TTLL8: variants seen among roughly 807,000 people sequenced by gnomAD.
The protein encoded by TTLL8 is tubulin tyrosine ligase like 8.
Under a neutral mutation model 77.8 loss-of-function variants are expected in TTLL8, and 65 were observed. That is an observed-to-expected ratio of 0.84 (90% CI 0.68 to 1.03). TTLL8 has a LOEUF of 1.03. Ranked by LOEUF, TTLL8 falls within the 50% of genes least tolerant of loss-of-function variation. The pLI, the probability that TTLL8 is intolerant of heterozygous loss-of-function variation, is 0.00. For synonymous variants in TTLL8, 402 were observed against 422.8 expected, an observed-to-expected ratio of 0.95 and a Z score of 0.60; for missense variants, 910 against 1,004.5, an observed-to-expected ratio of 0.91 and a Z score of 1.27.
intron 12 of TTLL8, among the ~76,000 whole-genome samples, chr22:50,023,785 C>T (rs1292205315): frequency 6.6e-6 from 1 of 152,096 alleles, no homozygotes; most frequent in African/African-American, 2.4e-5. Context: ...CTTTGGGAGG[C>T]CGAGGTGGGC....
intron 4 of TTLL8, among the ~76,000 whole-genome samples, chr22:50,046,607 T>C (rs1228374664): frequency 6.6e-6 from 1 of 152,200 alleles, no homozygotes; most frequent in Non-Finnish European, 1.5e-5. Flanking sequence ...AAGGGAACCT[T>C]GTCCTGCACC....
intron 8 of TTLL8, among the ~76,000 whole-genome samples, chr22:50,040,970 T>C (rs1323829393): frequency 1.3e-5 from 2 of 151,836 alleles, no homozygotes; most frequent in African/African-American, 4.8e-5. Flanking sequence ...ACCCCTGGAG[T>C]GGCAAATGGT....
upstream of TTLL8, among the ~76,000 whole-genome samples, chr22:50,056,543 G>T (rs75976112): frequency 0.014 from 2,113 of 152,310 alleles, 28 homozygotes; most frequent in South Asian, 0.038. This position sits in a 1 kb window ranked among gnomAD's most constrained non-coding sequence, Gnocchi z 4.1. Context: ...AGTCTGAAGA[G>T]GGCAAGGGCA....
chr22:50,031,754 C>G, exon 11 of TTLL8: 1 of 1,362,920 alleles, frequency 7.3e-7, no homozygotes, highest in East Asian at 4.6e-5. Flanking sequence ...ATGGTGTCCT[C>G]CTGCACCTGT....
At chr22:50,054,784 G>A (rs1383047107), upstream of TTLL8, among the ~76,000 whole-genome samples, 2 of 152,224 alleles carry the variant, frequency 1.3e-5, no homozygotes, top group Non-Finnish European at 2.9e-5. Context: ...CAGGCTAGGC[G>A]CAGTCACTCA....
intron 8 of TTLL8, among the ~76,000 whole-genome samples, chr22:50,036,300 G>A (rs556995782): frequency 1.1e-4 from 16 of 152,236 alleles, no homozygotes; most frequent in Non-Finnish European, 1.6e-4. Flanking sequence ...AGGGACTTGC[G>A]GGGATCCGAT....
In TTLL8 at chr22:50,041,129, C is replaced by T. The variant is rs1387863863; in HGVS notation, c.921+58G>A. On this transcript the variant is annotated intron_variant, in intron 8 of 13. Transcript: ENST00000266182. This position sits in a 1 kb window ranked among gnomAD's most constrained non-coding sequence, Gnocchi z 4.3. ...TGGGCCCAGGCACACCTCTGCCAGT[C>T]ACTCACCAACACCAAGAGTGAGGCA... is the stretch of plus-strand genomic sequence containing the variant. The T allele has an allele frequency of 8.1e-6, 3 of 371,940 alleles. No individual in the cohort carries two copies. Among genetic ancestry groups the T allele is most frequent in the Non-Finnish European group, 1.6e-5 (3 of 186,756 alleles). 23.0% of individuals were successfully genotyped at this position (371,940 alleles called of 1,614,324 possible).
exon 11 of TTLL8, chr22:50,031,972 A>T (rs1263482309): frequency 1.5e-6 from 2 of 1,366,684 alleles, no homozygotes; most frequent in Admixed American, 3.8e-5. Flanking sequence ...GCTGCCCCAC[A>T]CGGCGCCACG....
At chr22:50,047,098 C>T (rs2061417020) in intron 4 of TTLL8, 70 bp downstream of exon 6, 2 of 1,339,608 alleles carry the variant, frequency 1.5e-6, no homozygotes, top group Admixed American at 4.1e-5. Context: ...CCGAGGGTCC[C>T]TAATGGCTGC....
At chr22:50,046,207 G>T (rs1372966662) in intron 4 of TTLL8, among the ~76,000 whole-genome samples, 3 of 152,212 alleles carry the variant, frequency 2.0e-5, no homozygotes, top group Non-Finnish European at 2.9e-5. Context: ...CCTTGAGGCA[G>T]TGGAGGGCGT....
chr22:50,031,255 G>A (rs541310718), intron 11 of TTLL8, among the ~76,000 whole-genome samples: 2 of 152,332 alleles, frequency 1.3e-5, no homozygotes, highest in East Asian at 3.9e-4. Context: ...CACATCCGCA[G>A]GCACAGGGAG....
chr22:50,056,270 G>A (rs531010196), upstream of TTLL8, among the ~76,000 whole-genome samples: 8 of 152,222 alleles, frequency 5.3e-5, no homozygotes, highest in South Asian at 2.1e-4. The surrounding 1 kb of genome is among the most constrained non-coding windows in gnomAD (Gnocchi z 4.1). Flanking sequence ...CGCACTCCGA[G>A]AAGGAAGAGC....
At chr22:50,032,979 G>T (rs886477548) in intron 10 of TTLL8, among the ~76,000 whole-genome samples, 1 of 152,244 alleles carries the variant, frequency 6.6e-6, no homozygotes, top group African/African-American at 2.4e-5. Flanking sequence ...GATGCACAGA[G>T]CGTGGGGTGT....
intron 1 of TTLL8, among the ~76,000 whole-genome samples, chr22:50,052,043 G>A (rs892147187): frequency 5.9e-5 from 9 of 151,846 alleles, no homozygotes; most frequent in African/African-American, 1.9e-4. Flanking sequence ...ACATCCGGTC[G>A]GTCCCAGCAC....
At chr22:50,046,122 T>A (rs1351989655) in intron 4 of TTLL8, among the ~76,000 whole-genome samples, 152 bp from the exon 7 acceptor site, 4 of 152,006 alleles carry the variant, frequency 2.6e-5, no homozygotes, top group African/African-American at 9.7e-5. Context: ...TCCCCAGATA[T>A]ACGGTCCCCC....
chr22:50,030,258 C>T lies in TTLL8; in HGVS notation c.2203+172G>A, dbSNP rs564960643. 41 of 985,368 alleles carry T rather than the reference C, an allele frequency of 4.2e-5. No homozygotes were observed. In the African/African-American group the frequency reaches 6.8e-4, roughly 16 times the overall value. 61.0% of individuals were successfully genotyped at this position (985,368 alleles called of 1,614,324 possible). ...CCCCGTGCCGGGCTGGGACAGGTGC[C>T]CCAACCCCGCTCCCCGGCTCCCGCC... On this transcript the variant is annotated intron_variant, in intron 12 of 13. Coordinates refer to ENST00000266182, the Ensembl canonical transcript of TTLL8.
upstream of TTLL8, among the ~76,000 whole-genome samples, chr22:50,058,224 C>T (rs371898355): frequency 9.2e-5 from 14 of 151,494 alleles, no homozygotes; most frequent in South Asian, 2.7e-3. The surrounding 1 kb of genome is among the most constrained non-coding windows in gnomAD (Gnocchi z 4.2). Flanking sequence ...CGTGCTGGGG[C>T]GGCCACGCGC....
chr22:50,036,452 G>A (rs915171599), intron 8 of TTLL8, among the ~76,000 whole-genome samples: 3 of 152,118 alleles, frequency 2.0e-5, no homozygotes, highest in African/African-American at 4.8e-5. Flanking sequence ...CACCCAGATC[G>A]AGACAGGAAC....
chr22:50,023,707 A>C (rs2061216848), intron 12 of TTLL8, among the ~76,000 whole-genome samples: 1 of 150,614 alleles, frequency 6.6e-6, no homozygotes, highest in Non-Finnish European at 1.5e-5. Flanking sequence ...AAATAAATAA[A>C]TAAATAAATA....
Sources: gnomAD v4.1 joint callset for allele counts (sites outside exome capture counted in the v4.1 genomes callset) on GRCh38, gnomAD v4.1.1 for gene constraint, Gnocchi (gnomAD v3.1) non-coding constraint, MANE v1.5 for transcripts, NCBI Gene and HGNC (gene_info 2026-07-23, HGNC 2026-07-21) for gene names.